Variants in CNTN5 observed in about 807,000 individuals in gnomAD.
The protein encoded by CNTN5 is contactin 5, also known as contactin-5.
CNTN5 carries 77 observed loss-of-function variants against 129.1 expected under a neutral mutation model. The observed-to-expected ratio is 0.60, with a 90% CI of 0.50 to 0.72. The LOEUF is 0.72. Ranked by LOEUF, CNTN5 falls within the 30% of genes least tolerant of loss-of-function variation. The pLI is 0.00. For synonymous variants in CNTN5, 509 were observed against 465.6 expected (o/e 1.09, Z -1.20); for missense variants, 1,478 against 1,328.8 (o/e 1.11, Z -1.75).
At chr11:99,651,701 T>C in intron 3 of CNTN5, among the ~76,000 whole-genome samples, 1 of 152,154 alleles carries the variant, frequency 6.6e-6, no homozygotes, top group African/African-American at 2.4e-5. Context: ...ACTTCCCTAA[T>C]ATGCTTTTAT....
intron 3 of CNTN5, among the ~76,000 whole-genome samples, chr11:99,635,893 C>G (rs1000772517): frequency 1.3e-5 from 2 of 152,086 alleles, no homozygotes; most frequent in Admixed American, 1.3e-4. Context: ...AAGTGGTGCA[C>G]TAAACCAGTA....
chr11:99,434,410 C>T lies in CNTN5; in HGVS notation c.-71+108926C>T, dbSNP rs115864840. On this transcript the variant is annotated intron_variant, in intron 2 of 24. Transcript: ENST00000524871. The stretch of plus-strand genomic sequence containing the variant: ...ATTCGGAGGTTTTTGTTTTATGAAA[C>T]AATGTACAACATTATATTATATATT... 7.1e-3 allele frequency among the ~76,000 whole-genome samples: 1,076 copies of T among 152,166 alleles called. 20 individuals carry two copies. Among genetic ancestry groups the T allele is most frequent in the African/African-American group, 0.024 (1,005 of 41,544 alleles).
intron 13 of CNTN5, among the ~76,000 whole-genome samples, chr11:100,175,043 T>C (rs979674655): frequency 1.3e-5 from 2 of 152,134 alleles, no homozygotes; most frequent in East Asian, 3.9e-4. Context: ...TGAATTTCTT[T>C]CATTTCCATC....
At chr11:100,326,521 C>T (rs539098505) in intron 21 of CNTN5, among the ~76,000 whole-genome samples, 75 of 152,212 alleles carry the variant, frequency 4.9e-4, no homozygotes, top group African/African-American at 1.8e-3. Flanking sequence ...CCACCATGCC[C>T]CTAGTTTAAG....
At chr11:99,030,400 C>T (rs896384355) in intron 1 of CNTN5, among the ~76,000 whole-genome samples, 4 of 152,070 alleles carry the variant, frequency 2.6e-5, no homozygotes, top group Non-Finnish European at 1.5e-5. Context: ...TGGCTGGATG[C>T]TGTGTATTCA....
intron 3 of CNTN5, among the ~76,000 whole-genome samples, chr11:99,643,340 G>A (rs1951837884): frequency 6.6e-6 from 1 of 152,100 alleles, no homozygotes; most frequent in Admixed American, 6.6e-5. Flanking sequence ...GATACATAAT[G>A]AGGCAATACC....
intron 3 of CNTN5, among the ~76,000 whole-genome samples, chr11:99,702,363 A>G (rs1021368408): frequency 2.6e-5 from 4 of 150,968 alleles, no homozygotes; most frequent in Non-Finnish European, 4.5e-5. Flanking sequence ...CCTTGTTTGT[A>G]GCTCACTTTC....
chr11:99,082,945 T>C (rs1865865308), intron 1 of CNTN5, among the ~76,000 whole-genome samples: 3 of 152,078 alleles, frequency 2.0e-5, no homozygotes, highest in Non-Finnish European at 4.4e-5. Context: ...AGTGGTTAAT[T>C]CTAGATTTTA....
At chr11:99,297,723 G>A (rs995319344) in intron 1 of CNTN5, among the ~76,000 whole-genome samples, 1 of 152,068 alleles carries the variant, frequency 6.6e-6, no homozygotes, top group Non-Finnish European at 1.5e-5. Context: ...AGGTTCTCTT[G>A]ATTAACCTGG....
At chr11:99,762,745 A>G (rs969100475) in intron 3 of CNTN5, among the ~76,000 whole-genome samples, 13 of 152,174 alleles carry the variant, frequency 8.5e-5, no homozygotes, top group African/African-American at 2.9e-4. Context: ...TGTTTATTCA[A>G]TGAGACAGGA....
chr11:99,840,139 T>G (rs1947437313), intron 4 of CNTN5, among the ~76,000 whole-genome samples: 1 of 152,172 alleles, frequency 6.6e-6, no homozygotes, highest in South Asian at 2.1e-4. Context: ...TCAGACTACT[T>G]CACCATGGTA....
chr11:99,757,642 C>T (rs1005672911), intron 3 of CNTN5, among the ~76,000 whole-genome samples: 6 of 152,000 alleles, frequency 3.9e-5, no homozygotes, highest in Non-Finnish European at 4.4e-5. Flanking sequence ...AGGTCGTACT[C>T]TAAGGTTCCA....
At chr11:99,904,012 A>T (rs1949427529) in intron 6 of CNTN5, among the ~76,000 whole-genome samples, 1 of 152,164 alleles carries the variant, frequency 6.6e-6, no homozygotes, top group Non-Finnish European at 1.5e-5. Flanking sequence ...CAAATATAAC[A>T]GATGCTGGTG....
At chr11:100,329,107 C>G (rs1247537541) in intron 21 of CNTN5, among the ~76,000 whole-genome samples, 1 of 152,202 alleles carries the variant, frequency 6.6e-6, no homozygotes, top group Non-Finnish European at 1.5e-5. Flanking sequence ...TGAGACCAGC[C>G]TTTAGGACTG....
intron 3 of CNTN5, among the ~76,000 whole-genome samples, chr11:99,626,614 T>A (rs544675516): frequency 1.9e-4 from 29 of 152,250 alleles, no homozygotes; most frequent in African/African-American, 7.0e-4. Flanking sequence ...TGCAAACATT[T>A]TTAGTATGTC....
intron 7 of CNTN5, among the ~76,000 whole-genome samples, chr11:99,955,040 C>A (rs1950765305): frequency 6.6e-6 from 1 of 151,904 alleles, no homozygotes; most frequent in South Asian, 2.1e-4. Context: ...TGAATGATGT[C>A]CTGTAATTGT....
intron 4 of CNTN5, among the ~76,000 whole-genome samples, chr11:99,838,811 C>T (rs940494580): frequency 1.6e-4 from 25 of 152,022 alleles, no homozygotes; most frequent in African/African-American, 4.8e-4. Flanking sequence ...GAGTGACCCA[C>T]GAGGAAAGTG....
At chr11:99,023,846 G>A (rs910269844) in intron 1 of CNTN5, among the ~76,000 whole-genome samples, 20 of 152,062 alleles carry the variant, frequency 1.3e-4, no homozygotes, top group African/African-American at 4.3e-4. Flanking sequence ...ATACATTCAT[G>A]TAGTTTGTTT....
intron 20 of CNTN5, among the ~76,000 whole-genome samples, chr11:100,308,145 A>G (rs543491096): frequency 6.6e-6 from 1 of 151,862 alleles, no homozygotes; most frequent in Admixed American, 6.6e-5. Context: ...GTCTTGCTAG[A>G]TTTGTCATTT....
Sources: gnomAD v4.1 joint callset for allele counts (sites outside exome capture counted in the v4.1 genomes callset) on GRCh38, gnomAD v4.1.1 for gene constraint, MANE v1.5 for transcripts, NCBI Gene and HGNC (gene_info 2026-07-23, HGNC 2026-07-21) for gene names.